The following UBAP1L variants were observed in gnomAD, a reference collection of about 807,000 sequenced individuals.
The protein encoded by UBAP1L is ubiquitin associated protein 1 like.
UBAP1L carries 32 observed loss-of-function variants against 32.1 expected under a neutral mutation model. The ratio of observed to expected loss-of-function variants is 1.00; its 90% CI spans 0.75 to 1.34. UBAP1L has a LOEUF of 1.34. Ranked by LOEUF, UBAP1L falls within the 40% of genes most tolerant of loss-of-function variation. The pLI, the probability that UBAP1L is intolerant of heterozygous loss-of-function variation, is 0.00. For synonymous variants in UBAP1L, 243 were observed against 250.2 expected, an observed-to-expected ratio of 0.97 and a Z score of 0.27; for missense variants, 516 against 540.5, an observed-to-expected ratio of 0.95 and a Z score of 0.45.
rs529163777 is a variant in UBAP1L at position 65,102,131 on chromosome 15, A to G, written c.674T>C (p.Leu225Pro). The G allele has an allele frequency of 6.1e-5, 73 of 1,199,576 alleles. 1 individual carries two copies. In the African/African-American group the frequency reaches 1.0e-3, roughly 16 times the overall value. The allele number at this position is 1,199,576 out of a possible 1,614,324, so 74.3% of individuals were successfully genotyped here. ...RPSTAGAIPP[L>P]RSHKPTVASL... is the part of the protein sequence containing the mutation. Reference sequence around the variant, plus strand: ...CGCGACCGTAGGCTTGTGGCTCCGCAGCGGGGGGATGGCGCCTGCCGTGGA... The same window carrying G: ...CGCGACCGTAGGCTTGTGGCTCCGCGGCGGGGGGATGGCGCCTGCCGTGGA... The change falls in exon 3 of 6, where the codon CTG becomes CCG. Residue 225 changes from leucine (L) to proline (P), a missense_variant. By Grantham distance (98) the Leu-to-Pro change is moderately conservative (BLOSUM62 -3). Transcript: ENST00000559089. This position sits in a 1 kb window ranked among gnomAD's most constrained non-coding sequence, Gnocchi z 5.0.
chr15:65,105,916 G>A (rs949464476), intron 2 of UBAP1L, 180 bp downstream of exon 2: 20 of 833,660 alleles, frequency 2.4e-5, no homozygotes, highest in African/African-American at 1.4e-4. Flanking sequence ...TCCACCTTCC[G>A]AGTAGCTGGG....
Position 65,102,438 on chromosome 15 carries a change from G to A in UBAP1L, c.367C>T (p.Pro123Ser). 1 of 1,424,130 alleles carries A rather than the reference G, an allele frequency of 7.0e-7. No individual in the cohort carries two copies. Among genetic ancestry groups the A allele is most frequent in the South Asian group, 1.5e-5 (1 of 66,474 alleles). 88.2% of individuals were successfully genotyped at this position (1,424,130 alleles called of 1,614,324 possible). A position where few individuals can be genotyped will look rare whatever the true frequency, so the allele number is the denominator to read the frequency against. ...AEASSGSEEEPAPSSLQPGSP... is the reference protein window; with the variant it reads ...AEASSGSEEESAPSSLQPGSP... ...CCCGGTTGGAGGCTGCTGGGGGCCG[G>A]CTCTTCCTCGCTGCCAGAGGAGGCT... Residue 123 changes from proline (P) to serine (S), a missense_variant, in exon 3 of 6, where the codon CCG becomes TCG. Coordinates refer to ENST00000559089, the MANE Select transcript of UBAP1L (RefSeq NM_001163692.2). The surrounding 1 kb of genome is among the most constrained non-coding windows in gnomAD (Gnocchi z 5.0).
intron 3 of UBAP1L, 123 bp downstream of exon 3, chr15:65,101,983 G>A (rs1158800803): frequency 1.1e-5 from 4 of 370,418 alleles, no homozygotes; most frequent in Non-Finnish European, 1.8e-5. Flanking sequence ...GGTGGGAGCA[G>A]GTCAAGGGAG....
intron 1 of UBAP1L, among the ~76,000 whole-genome samples, chr15:65,113,380 C>T (rs1025012049): frequency 6.6e-6 from 1 of 152,180 alleles, no homozygotes; most frequent in Non-Finnish European, 1.5e-5. Context: ...TCTCTCAGTC[C>T]CCACAGAACC....
intron 1 of UBAP1L, among the ~76,000 whole-genome samples, chr15:65,109,711 A>G (rs2087355681): frequency 6.6e-6 from 1 of 152,210 alleles, no homozygotes; most frequent in African/African-American, 2.4e-5. Context: ...CCAATATGAT[A>G]AGTTGTTTAA....
Position 65,102,769 on chromosome 15 carries a change from C to T in UBAP1L, c.121-85G>A. The T allele has an allele frequency of 8.1e-7, 1 of 1,241,192 alleles. No homozygotes were observed. Among genetic ancestry groups the T allele is most frequent in the Non-Finnish European group, 1.1e-6 (1 of 905,728 alleles). 76.9% of individuals were successfully genotyped at this position (1,241,192 alleles called of 1,614,324 possible). A position where few individuals can be genotyped will look rare whatever the true frequency, so the allele number is the denominator to read the frequency against. ...AACCCCTGGCCTGGGGGACCCTGTT[C>T]AGCCAGAGACTCTCTAAGCCTGGAC... On this transcript the variant is annotated intron_variant, in intron 2 of 5. Transcript: ENST00000559089. The surrounding 1 kb of genome is among the most constrained non-coding windows in gnomAD (Gnocchi z 5.0).
At chr15:65,110,125 C>T (rs1292393259) in intron 1 of UBAP1L, among the ~76,000 whole-genome samples, 1 of 152,136 alleles carries the variant, frequency 6.6e-6, no homozygotes, top group Non-Finnish European at 1.5e-5. Flanking sequence ...CTTTGGGAGG[C>T]TGAGGCGGGC....
intron 3 of UBAP1L, 173 bp from the exon 4 acceptor site, chr15:65,099,887 C>T (rs2140561395): frequency 1.8e-6 from 1 of 569,730 alleles, no homozygotes; most frequent in Middle Eastern, 4.5e-4. Flanking sequence ...ACTCAGTATA[C>T]TCATATGAAA....
At chr15:65,099,171 ACC>A in intron 4 of UBAP1L, 27 of 290,646 alleles carry the variant, frequency 9.3e-5, no homozygotes, top group South Asian at 2.4e-4. Flanking sequence ...CCATCCACAC[ACC>A]CTTTCACTGC....
chr15:65,110,388 A>G (rs1173830866), intron 1 of UBAP1L, among the ~76,000 whole-genome samples: 2 of 149,844 alleles, frequency 1.3e-5, no homozygotes, highest in African/African-American at 4.9e-5. Flanking sequence ...AACAAACAAA[A>G]AAAACTTGGC....
At chr15:65,099,808 C>G (rs2087220161) in intron 3 of UBAP1L, 94 bp from the exon 4 acceptor site, 6 of 1,074,300 alleles carry the variant, frequency 5.6e-6, no homozygotes, top group South Asian at 4.7e-5. Context: ...GTACCACCTT[C>G]TGTACAGAGT....
chr15:65,095,274 C>G (rs1406271250), intron 4 of UBAP1L: 1 of 152,554 alleles, frequency 6.6e-6, no homozygotes, highest in African/African-American at 2.4e-5. Context: ...CTCCCTCAGC[C>G]AAGGCTGGCC....
intron 4 of UBAP1L, chr15:65,097,574 G>C (rs2087190171): frequency 6.6e-6 from 1 of 152,222 alleles, no homozygotes; most frequent in Non-Finnish European, 1.5e-5. Flanking sequence ...TTCCTCATCT[G>C]CAAAGTGGTC....
chr15:65,114,793 C>T (rs1185269875), intron 1 of UBAP1L, among the ~76,000 whole-genome samples: 4 of 152,200 alleles, frequency 2.6e-5, no homozygotes, highest in Non-Finnish European at 5.9e-5. Flanking sequence ...CACTCTAACA[C>T]CACTTGCCTC....
chr15:65,099,930 C>T, intron 3 of UBAP1L: 1 of 477,536 alleles, frequency 2.1e-6, no homozygotes, highest in Non-Finnish European at 3.7e-6. Context: ...CTTCACGGGA[C>T]TATCAGGAGA....
intron 1 of UBAP1L, among the ~76,000 whole-genome samples, chr15:65,113,567 G>A (rs2087383370): frequency 6.6e-6 from 1 of 152,070 alleles, no homozygotes; most frequent in Admixed American, 6.6e-5. Flanking sequence ...GGCCAACATG[G>A]CAAAACCCCC....
intron 4 of UBAP1L, chr15:65,098,509 GTGTAAGCCTGGAGGGGTCAA>G (rs1478781249): frequency 3.3e-5 from 5 of 152,148 alleles, no homozygotes; most frequent in African/African-American, 4.8e-5. Flanking sequence ...TTTTTCCCCT[GTGTAAGCCTGGAGGGGTCAA>G]CAACATGCTT....
chr15:65,106,864 C>T (rs1211432699), intron 1 of UBAP1L, among the ~76,000 whole-genome samples: 2 of 152,166 alleles, frequency 1.3e-5, no homozygotes, highest in African/African-American at 4.8e-5. Flanking sequence ...TGGTCTCAAA[C>T]TCCCGGCCTT....
rs1464372611 is a variant in UBAP1L, at chr15:65,110,678, C to G, written c.-173-4290G>C. ...CCAGCCTGGGCGACAGAGTGAGACT[C>G]TGTCTCAAAAAAAAAAAAAAAAAAG... On this transcript the variant is annotated intron_variant, in intron 1 of 5. Coordinates refer to ENST00000559089, the MANE Select transcript of UBAP1L (RefSeq NM_001163692.2). Among the ~76,000 whole-genome samples the G allele has an allele frequency of 3.0e-5, 4 of 134,658 alleles. No homozygotes were observed. In the East Asian group the frequency reaches 8.6e-4, roughly 29 times the overall value. 88.3% of individuals were successfully genotyped at this position (134,658 alleles called of 152,430 possible).
Sources: gnomAD v4.1 joint callset for allele counts (sites outside exome capture counted in the v4.1 genomes callset) on GRCh38, gnomAD v4.1.1 for gene constraint, Gnocchi (gnomAD v3.1) non-coding constraint, MANE v1.5 for transcripts, NCBI Gene and HGNC (gene_info 2026-07-23, HGNC 2026-07-21) for gene names.